The following ADORA2B variants were observed in gnomAD, a reference collection of about 807,000 sequenced individuals.
ADORA2B encodes adenosine A2b receptor, also known as adenosine receptor A2b.
ADORA2B carries 18 observed loss-of-function variants against 20.8 expected under a neutral mutation model. That is an observed-to-expected ratio of 0.87 (90% CI 0.60 to 1.29). The LOEUF (loss-of-function observed/expected upper bound fraction) is 1.29. ADORA2B is among the 50% of genes most tolerant of loss of function. ADORA2B has a pLI of 0.00. For missense variants in ADORA2B, 441 were observed against 422.7 expected (o/e 1.04, Z -0.38); for synonymous variants, 179 against 178.3 (o/e 1.00, Z -0.03).
At chr17:15,863,826 T>G in the ADORA2B span, among the ~76,000 whole-genome samples, 2 of 152,176 alleles carry the variant, frequency 1.3e-5, no homozygotes, top group East Asian at 3.8e-4. Flanking sequence ...TAAAACAAAA[T>G]GTAGCAAAAC....
At chr17:15,886,045 C>T in the ADORA2B span, among the ~76,000 whole-genome samples, 1 of 152,192 alleles carries the variant, frequency 6.6e-6, no homozygotes, top group Non-Finnish European at 1.5e-5. Flanking sequence ...AAACCATATA[C>T]CATAAGCCAT....
At chr17:15,950,660 G>A (rs773272095) in intron 1 of ADORA2B, among the ~76,000 whole-genome samples, 3 of 152,092 alleles carry the variant, frequency 2.0e-5, no homozygotes, top group Non-Finnish European at 4.4e-5. Context: ...GCAGCCAGAC[G>A]GGATGACTTA....
chr17:15,950,614 A>C (rs1189367001), intron 1 of ADORA2B, among the ~76,000 whole-genome samples: 1 of 152,106 alleles, frequency 6.6e-6, no homozygotes, highest in Non-Finnish European at 1.5e-5. Context: ...GTGGGCCCCC[A>C]GCTGGACTCC....
At chr17:15,867,306 C>T in the ADORA2B span, among the ~76,000 whole-genome samples, 8 of 152,124 alleles carry the variant, frequency 5.3e-5, no homozygotes, top group Non-Finnish European at 1.5e-5. Context: ...TGAGGAGCAT[C>T]TCTGCCCGGC....
chr17:15,951,682 G>A (rs1051404001), intron 1 of ADORA2B, among the ~76,000 whole-genome samples: 7 of 152,210 alleles, frequency 4.6e-5, no homozygotes, highest in African/African-American at 1.7e-4. Context: ...GTCAGAACTG[G>A]GGTAATTCAA....
At chr17:15,896,017 T>G in the ADORA2B span, among the ~76,000 whole-genome samples, 8 of 152,176 alleles carry the variant, frequency 5.3e-5, no homozygotes, top group East Asian at 1.5e-3. Context: ...GGTCTCCACC[T>G]GGTATTTTTT....
chr17:15,858,772 CA>C, the ADORA2B span: 1 of 163,296 alleles, frequency 6.1e-6, no homozygotes, highest in Non-Finnish European at 1.4e-5. Flanking sequence ...AGTCGGCCAG[CA>C]AAGGGATGAC....
chr17:15,885,229 G>C, the ADORA2B span, among the ~76,000 whole-genome samples: 1 of 152,128 alleles, frequency 6.6e-6, no homozygotes, highest in South Asian at 2.1e-4. Context: ...TTCCAGAAGT[G>C]TCTGTTCATG....
chr17:15,878,208 C>CACAA, the ADORA2B span, among the ~76,000 whole-genome samples: 1 of 144,174 alleles, frequency 6.9e-6, no homozygotes, highest in South Asian at 2.1e-4. Flanking sequence ...CACACACACA[C>CACAA]ACACACATTA....
At chr17:15,944,342 G>A (rs1177910449), upstream of ADORA2B, among the ~76,000 whole-genome samples, 2 of 152,146 alleles carry the variant, frequency 1.3e-5, no homozygotes, top group Non-Finnish European at 2.9e-5. The surrounding 1 kb of genome is among the most constrained non-coding windows in gnomAD (Gnocchi z 4.8). Flanking sequence ...AGATTTGGGA[G>A]TTAAGGGTGT....
the ADORA2B span, among the ~76,000 whole-genome samples, chr17:15,895,097 C>T: frequency 1.3e-5 from 2 of 152,068 alleles, no homozygotes; most frequent in African/African-American, 4.8e-5. Context: ...CAGTATTTTT[C>T]TATGAAGGCC....
At chr17:15,919,364 C>T in the ADORA2B span, among the ~76,000 whole-genome samples, 2 of 152,204 alleles carry the variant, frequency 1.3e-5, no homozygotes, top group Admixed American at 6.5e-5. Context: ...CCAGCTTCTA[C>T]TCACCTTTCA....
At chr17:15,883,650 G>A in the ADORA2B span, among the ~76,000 whole-genome samples, 86 of 152,348 alleles carry the variant, frequency 5.6e-4, no homozygotes, top group Admixed American at 9.8e-4. Flanking sequence ...AAGGGCACAT[G>A]CCGTATGGTA....
chr17:15,875,461 T>C, the ADORA2B span, among the ~76,000 whole-genome samples: 1 of 152,250 alleles, frequency 6.6e-6, no homozygotes, highest in African/African-American at 2.4e-5. Context: ...GGAGTTCACA[T>C]TAAGATGCTG....
chr17:15,962,376 A>G (rs1249762958), intron 1 of ADORA2B, among the ~76,000 whole-genome samples: 1 of 152,044 alleles, frequency 6.6e-6, no homozygotes, highest in Non-Finnish European at 1.5e-5. Context: ...TTTTTTCCTC[A>G]TTCCTTCCAC....
the ADORA2B span, among the ~76,000 whole-genome samples, chr17:15,912,437 G>A: frequency 6.6e-6 from 1 of 151,930 alleles, no homozygotes; most frequent in African/African-American, 2.4e-5. Context: ...CTGTCCTGAA[G>A]TGTTCACTTT....
At chr17:15,894,118 C>T in the ADORA2B span, among the ~76,000 whole-genome samples, 5 of 152,200 alleles carry the variant, frequency 3.3e-5, no homozygotes, top group Admixed American at 3.3e-4. Flanking sequence ...GCCCTACACT[C>T]GGTCACTCAA....
At chr17:15,854,737 A>T in the ADORA2B span, among the ~76,000 whole-genome samples, 1 of 152,168 alleles carries the variant, frequency 6.6e-6, no homozygotes, top group Non-Finnish European at 1.5e-5. Flanking sequence ...AAAACCTCAC[A>T]ATGGCCCTCC....
chr17:15,915,751 T>G, the ADORA2B span, among the ~76,000 whole-genome samples: 1 of 142,946 alleles, frequency 7.0e-6, no homozygotes, highest in African/African-American at 2.5e-5. Flanking sequence ...GAATTAAATA[T>G]TCCTCTACCT....
Sources: gnomAD v4.1 joint callset for allele counts (sites outside exome capture counted in the v4.1 genomes callset) on GRCh38, gnomAD v4.1.1 for gene constraint, Gnocchi (gnomAD v3.1) non-coding constraint, MANE v1.5 for transcripts, NCBI Gene and HGNC (gene_info 2026-07-23, HGNC 2026-07-21) for gene names.